The following CITED4 variants were observed in gnomAD, a reference collection of about 807,000 sequenced individuals.
CITED4 encodes the protein cbp/p300-interacting transactivator 4.
CITED4 carries 3 observed loss-of-function variants against 3.3 expected under a neutral mutation model. The observed-to-expected ratio is 0.92, with a 90% confidence interval of 0.42 to 2.38. CITED4 has a LOEUF of 2.38. Ranked by LOEUF, CITED4 falls within the 30% of genes most tolerant of loss-of-function variation. The pLI is 0.05. For missense variants in CITED4, 333 were observed against 274.2 expected (o/e 1.21, Z -1.51); for synonymous variants, 167 against 145.8 (o/e 1.15, Z -1.05).
At position 40,861,986 on chromosome 1, in the gene CITED4, C is replaced by A; in HGVS notation, c.142G>T (p.Gly48Trp). The change falls in exon 1 of 1, where the codon GGG becomes TGG. Residue 48 changes from glycine to tryptophan, a missense_variant. Gly to Trp is a radical substitution (Grantham distance 184, BLOSUM62 -2). Transcript: ENST00000372638. ...PGLDSGLRPR[G>W]APLGPPPPRQ... ...GGCGGCGGCGGCCCCAGCGGAGCCC[C>A]CCGCGGCCTCAGCCCACTGTCCAGG... The A allele has an allele frequency of 8.0e-7, 1 of 1,256,034 alleles. No individual in the cohort carries two copies. The allele number at this position is 1,256,034 out of a possible 1,614,324, so 77.8% of individuals were successfully genotyped here. A position where few individuals can be genotyped will look rare whatever the true frequency, so the allele number is the denominator to read the frequency against.
In CITED4 at chr1:40,861,525, G is replaced by C. The variant is rs920945560; in HGVS notation, c.*48C>G. On this transcript the variant is annotated 3_prime_UTR_variant, in exon 1 of 1. Coordinates refer to ENST00000372638, the MANE Select transcript of CITED4 (RefSeq NM_133467.3). ...CGCTGGGTGCAGGGTCCGGCGGGCA[G>C]TCGGGCCCTTTCTCCTCTCCGGCAC... 21 of 1,245,538 alleles carry C rather than the reference G, an allele frequency of 1.7e-5. No individual in the cohort carries two copies. The highest frequency in any genetic ancestry group is 3.4e-5 in the East Asian group (1 of 29,700). The allele number at this position is 1,245,538 out of a possible 1,614,324, so 77.2% of individuals were successfully genotyped here. A position where few individuals can be genotyped will look rare whatever the true frequency, so the allele number is the denominator to read the frequency against.
chr1:40,862,048 T>C lies in CITED4; in HGVS notation c.80A>G (p.His27Arg), dbSNP rs1354726348. Residue 27 changes from histidine to arginine, a missense_variant, in exon 1 of 1, where the codon CAT (histidine) becomes CGT (arginine). Coordinates refer to ENST00000372638, the MANE Select transcript of CITED4 (RefSeq NM_133467.3). ...GTACGGCGGCAGAGTCCGGAGCGCA[T>C]GAGGGCCATGGGCGGCCGCGGCGGA... ...PPSAAAAHGPHALRTLPPYAG... is the reference protein window; with the variant it reads ...PPSAAAAHGPRALRTLPPYAG... The C allele has an allele frequency of 7.6e-7, 1 of 1,323,064 alleles. No homozygotes were observed. The highest frequency in any genetic ancestry group is 9.7e-7 in the Non-Finnish European group (1 of 1,035,530). The allele number at this position is 1,323,064 out of a possible 1,614,324, so 82.0% of individuals were successfully genotyped here.
rs979215909 is a variant in CITED4, at chr1:40,862,324, T to G, written c.-197A>C. The G allele has an allele frequency of 1.2e-5, 4 of 338,884 alleles. No homozygotes were observed. Among genetic ancestry groups the G allele is most frequent in the African/African-American group, 8.6e-5 (4 of 46,352 alleles). The allele number at this position is 338,884 out of a possible 1,614,324, so 21.0% of individuals were successfully genotyped here. A position where few individuals can be genotyped will look rare whatever the true frequency, so the allele number is the denominator to read the frequency against. ...CGCACCTTGCGGCCGCAGCCTGGGG[T>G]CACAAAGGCCCGCAACCTGTAGTGC... On this transcript the variant is annotated 5_prime_UTR_variant, in exon 1 of 1. Coordinates refer to ENST00000372638, the MANE Select transcript of CITED4 (RefSeq NM_133467.3).
At position 40,861,809 on chromosome 1, in the gene CITED4, G is replaced by A; in HGVS notation, c.319C>T (p.Pro107Ser). 2.1e-5 allele frequency: 23 copies of A among 1,112,178 alleles called. No homozygotes were observed. The highest frequency in any genetic ancestry group is 2.4e-5 in the Non-Finnish European group (22 of 912,804). 68.9% of individuals were successfully genotyped at this position (1,112,178 alleles called of 1,614,324 possible). A position where few individuals can be genotyped will look rare whatever the true frequency, so the allele number is the denominator to read the frequency against. ...PGRAAAPPNA[P>S]GGPPGPQPAP... ...GGCTGCGGGCCCGGGGGGCCTCCCG[G>A]AGCGTTGGGGGGCGCGGCCGCGCGG... The change falls in exon 1 of 1, where the codon CCG becomes TCG. Residue 107 changes from proline (P) to serine (S), a missense_variant. Coordinates refer to ENST00000372638, the MANE Select transcript of CITED4 (RefSeq NM_133467.3).
Position 40,861,890 on chromosome 1 carries a change from G to A in CITED4, c.238C>T (p.Pro80Ser), listed in dbSNP as rs1649389722. The change falls in exon 1 of 1, where the codon CCT becomes TCT. Residue 80 changes from proline to serine, a missense_variant. By Grantham distance (74) the Pro-to-Ser change is moderately conservative (BLOSUM62 -1). Coordinates refer to ENST00000372638, the MANE Select transcript of CITED4 (RefSeq NM_133467.3). ...PSSFQPFPAVPPPAAGIAHLQ... is the reference protein window; with the variant it reads ...PSSFQPFPAVSPPAAGIAHLQ... The stretch of plus-strand genomic sequence containing the variant: ...TGCGCGATGCCCGCGGCCGGCGGAG[G>A]CACGGCCGGAAAGGGCTGGAAGGAG... 8.1e-7 allele frequency: 1 copy of A among 1,239,288 alleles called. No individual in the cohort carries two copies. Among genetic ancestry groups the A allele is most frequent in the Non-Finnish European group, 1.0e-6 (1 of 985,338 alleles). 76.8% of individuals were successfully genotyped at this position (1,239,288 alleles called of 1,614,324 possible).
chr1:40,861,382 A>T lies in CITED4; in HGVS notation c.*191T>A, dbSNP rs1180836460. 2.3e-5 allele frequency: 8 copies of T among 343,752 alleles called. No individual in the cohort carries two copies. Among genetic ancestry groups the T allele is most frequent in the Non-Finnish European group, 1.0e-5 (2 of 191,262 alleles). 21.3% of individuals were successfully genotyped at this position (343,752 alleles called of 1,614,324 possible). On this transcript the variant is annotated 3_prime_UTR_variant, in exon 1 of 1. Coordinates refer to ENST00000372638, the MANE Select transcript of CITED4 (RefSeq NM_133467.3). Reference sequence around the variant, plus strand: ...AGGCTGGGGTCAGAGAAGTGAAGCCAAACTGTCCTCCCGCAGGAGGCAAGG... The same window carrying T: ...AGGCTGGGGTCAGAGAAGTGAAGCCTAACTGTCCTCCCGCAGGAGGCAAGG...
chr1:40,861,853 A>C lies in CITED4; in HGVS notation c.275T>G (p.Val92Gly), dbSNP rs1450250996. ...PAAGIAHLQPVATPYPGRAAA... is the reference protein window; with the variant it reads ...PAAGIAHLQPGATPYPGRAAA... ...CGCGCGGCCGGGGTACGGCGTCGCC[A>C]CAGGCTGCAGGTGCGCGATGCCCGC... The change falls in exon 1 of 1, where the codon GTG becomes GGG. Residue 92 changes from valine to glycine, a missense_variant. Coordinates refer to ENST00000372638, the MANE Select transcript of CITED4 (RefSeq NM_133467.3). 2.6e-6 allele frequency: 3 copies of C among 1,156,214 alleles called. No individual in the cohort carries two copies. The highest frequency in any genetic ancestry group is 4.7e-5 in the Admixed American group (1 of 21,230). 71.6% of individuals were successfully genotyped at this position (1,156,214 alleles called of 1,614,324 possible). A position where few individuals can be genotyped will look rare whatever the true frequency, so the allele number is the denominator to read the frequency against.
Position 40,861,757 on chromosome 1 carries a change from G to C in CITED4, c.371C>G (p.Pro124Arg). Reference protein sequence around the residue: ...QPAPSAAAPPPPAHALGGMDA... With the variant: ...QPAPSAAAPPRPAHALGGMDA... ...CATGCCGCCCAGGGCGTGCGCGGGC[G>C]GCGGCGGGGCTGCGGCGCTTGGCGC... The change falls in exon 1 of 1, where the codon CCG (proline) becomes CGG (arginine). Residue 124 changes from proline to arginine, a missense_variant. Transcript: ENST00000372638. 5.6e-6 allele frequency: 7 copies of C among 1,243,990 alleles called. No individual in the cohort carries two copies. Among genetic ancestry groups the C allele is most frequent in the Non-Finnish European group, 6.1e-6 (6 of 988,986 alleles). The allele number at this position is 1,243,990 out of a possible 1,614,324, so 77.1% of individuals were successfully genotyped here. A position where few individuals can be genotyped will look rare whatever the true frequency, so the allele number is the denominator to read the frequency against.
chr1:40,861,654 G>A lies in CITED4; in HGVS notation c.474C>T (p.Pro158=), dbSNP rs777307773. Residue 158 remains proline (P), a synonymous_variant, in exon 1 of 1, where the codon CCC becomes CCT. Transcript: ENST00000372638. ...ACTCGCTCTGGCCCAGGAAGAGCTC[G>A]GGCAGCTCGCGCACGCGGTGCAGCC... The part of the protein sequence containing the change: ...ELGLHRVREL[P]ELFLGQSEFD... 4 of 1,503,560 alleles carry A rather than the reference G, an allele frequency of 2.7e-6. No individual in the cohort carries two copies. The highest frequency in any genetic ancestry group is 1.5e-5 in the African/African-American group (1 of 68,918). The allele number at this position is 1,503,560 out of a possible 1,614,324, so 93.1% of individuals were successfully genotyped here.
At position 40,861,885 on chromosome 1, in the gene CITED4, C is replaced by T. The variant is rs992024475; in HGVS notation, c.243G>A (p.Pro81=). 1.2e-5 allele frequency: 15 copies of T among 1,233,358 alleles called. No homozygotes were observed. Among genetic ancestry groups the T allele is most frequent in the African/African-American group, 1.6e-5 (1 of 62,636 alleles). The allele number at this position is 1,233,358 out of a possible 1,614,324, so 76.4% of individuals were successfully genotyped here. A position where few individuals can be genotyped will look rare whatever the true frequency, so the allele number is the denominator to read the frequency against. ...GCAGGTGCGCGATGCCCGCGGCCGG[C>T]GGAGGCACGGCCGGAAAGGGCTGGA... ...SSFQPFPAVP[P]PAAGIAHLQP... Residue 81 remains proline, a synonymous_variant, in exon 1 of 1, where the codon CCG becomes CCA. Coordinates refer to ENST00000372638, the MANE Select transcript of CITED4 (RefSeq NM_133467.3).
In CITED4 at chr1:40,862,140, G is replaced by T; in HGVS notation, c.-13C>A. On this transcript the variant is annotated 5_prime_UTR_variant, in exon 1 of 1. Coordinates refer to ENST00000372638, the MANE Select transcript of CITED4 (RefSeq NM_133467.3). ...GGTGGTCGGCCATGGCGGCAGGCCG[G>T]CTGCCTGCGGGGACAGCGCGCGGTG... 7.9e-7 allele frequency: 1 copy of T among 1,266,674 alleles called. No homozygotes were observed. Among genetic ancestry groups the T allele is most frequent in the South Asian group, 2.5e-5 (1 of 40,680 alleles). 78.5% of individuals were successfully genotyped at this position (1,266,674 alleles called of 1,614,324 possible). A position where few individuals can be genotyped will look rare whatever the true frequency, so the allele number is the denominator to read the frequency against.
rs924288272 is a variant in CITED4 at position 40,862,335 on chromosome 1, C to G, written c.-208G>C. The G allele has an allele frequency of 1.5e-5, 5 of 333,464 alleles. No homozygotes were observed. The highest frequency in any genetic ancestry group is 2.2e-5 in the Non-Finnish European group (4 of 183,856). The allele number at this position is 333,464 out of a possible 1,614,324, so 20.7% of individuals were successfully genotyped here. A position where few individuals can be genotyped will look rare whatever the true frequency, so the allele number is the denominator to read the frequency against. The stretch of plus-strand genomic sequence containing the variant: ...GCCGCAGCCTGGGGTCACAAAGGCC[C>G]GCAACCTGTAGTGCTCCGAAACCTC... On this transcript the variant is annotated 5_prime_UTR_variant, in exon 1 of 1. Transcript: ENST00000372638.
chr1:40,862,308 C>G lies in CITED4; in HGVS notation c.-181G>C, dbSNP rs1009137218. ...GCCCAGCCCACTACTGCGCACCTTGCGGCCGCAGCCTGGGGTCACAAAGGC... is the reference window on the plus strand; with the variant it reads ...GCCCAGCCCACTACTGCGCACCTTGGGGCCGCAGCCTGGGGTCACAAAGGC... On this transcript the variant is annotated 5_prime_UTR_variant, in exon 1 of 1. Transcript: ENST00000372638. 12 of 347,262 alleles carry G rather than the reference C, an allele frequency of 3.5e-5. No homozygotes were observed. In the South Asian group the frequency reaches 7.3e-4, roughly 21 times the overall value. 21.5% of individuals were successfully genotyped at this position (347,262 alleles called of 1,614,324 possible).
In CITED4 at chr1:40,862,049, G is replaced by A. The variant is rs1649397658; in HGVS notation, c.79C>T (p.His27Tyr). 1.5e-6 allele frequency: 2 copies of A among 1,324,084 alleles called. No homozygotes were observed. Among genetic ancestry groups the A allele is most frequent in the Admixed American group, 3.5e-5 (1 of 28,190 alleles). 82.0% of individuals were successfully genotyped at this position (1,324,084 alleles called of 1,614,324 possible). ...TACGGCGGCAGAGTCCGGAGCGCATGAGGGCCATGGGCGGCCGCGGCGGAC... is the reference window on the plus strand; with the variant it reads ...TACGGCGGCAGAGTCCGGAGCGCATAAGGGCCATGGGCGGCCGCGGCGGAC... ...PPSAAAAHGP[H>Y]ALRTLPPYAG... is the part of the protein sequence containing the mutation. Residue 27 changes from histidine (H) to tyrosine (Y), a missense_variant, in exon 1 of 1, where the codon CAT (histidine) becomes TAT (tyrosine). Physicochemically the swap from His to Tyr is moderately conservative, Grantham distance 83 (BLOSUM62 2). Coordinates refer to ENST00000372638, the MANE Select transcript of CITED4 (RefSeq NM_133467.3).
chr1:40,861,750 C>G lies in CITED4; in HGVS notation c.378G>C (p.Ala126=). The G allele has an allele frequency of 7.9e-7, 1 of 1,266,922 alleles. No homozygotes were observed. Among genetic ancestry groups the G allele is most frequent in the Non-Finnish European group, 1.0e-6 (1 of 1,000,600 alleles). The allele number at this position is 1,266,922 out of a possible 1,614,324, so 78.5% of individuals were successfully genotyped here. ...CGGCGTCCATGCCGCCCAGGGCGTG[C>G]GCGGGCGGCGGCGGGGCTGCGGCGC... is the stretch of plus-strand genomic sequence containing the variant. The part of the protein sequence containing the change: ...APSAAAPPPP[A]HALGGMDAEL... Residue 126 remains alanine, a synonymous_variant, in exon 1 of 1, where the codon GCG becomes GCC. Coordinates refer to ENST00000372638, the MANE Select transcript of CITED4 (RefSeq NM_133467.3).
chr1:40,861,590 C>A lies in CITED4; in HGVS notation c.538G>T (p.Gly180Cys). The A allele has an allele frequency of 6.9e-7, 1 of 1,454,148 alleles. No individual in the cohort carries two copies. The highest frequency in any genetic ancestry group is 2.0e-4 in the Middle Eastern group (1 of 5,122). 90.1% of individuals were successfully genotyped at this position (1,454,148 alleles called of 1,614,324 possible). A position where few individuals can be genotyped will look rare whatever the true frequency, so the allele number is the denominator to read the frequency against. Residue 180 changes from glycine (G) to cysteine (C), a missense_variant, in exon 1 of 1, where the codon GGC (glycine) becomes TGC (cysteine). Gly to Cys is a radical substitution (Grantham distance 159, BLOSUM62 -3). Coordinates refer to ENST00000372638, the MANE Select transcript of CITED4 (RefSeq NM_133467.3). ...FSDLGSAPPA[G>C]SVSC is the part of the protein sequence containing the mutation. ...GGCCGCCCTCAGCAGCTCACGGAGC[C>A]GGCGGGCGGCGCGGACCCCAAGTCC... is the stretch of plus-strand genomic sequence containing the variant.
At position 40,861,725 on chromosome 1, in the gene CITED4, C is replaced by A; in HGVS notation, c.403G>T (p.Glu135Ter). The A allele has an allele frequency of 7.0e-7, 1 of 1,425,428 alleles. No individual in the cohort carries two copies. The highest frequency in any genetic ancestry group is 1.4e-5 in the South Asian group (1 of 73,768). 88.3% of individuals were successfully genotyped at this position (1,425,428 alleles called of 1,614,324 possible). A position where few individuals can be genotyped will look rare whatever the true frequency, so the allele number is the denominator to read the frequency against. ...PAHALGGMDAELIDEEALTSL... is the reference protein window; with the variant it reads ...PAHALGGMDA The stretch of plus-strand genomic sequence containing the variant: ...GTCAGCGCCTCCTCGTCGATGAGTT[C>A]GGCGTCCATGCCGCCCAGGGCGTGC... The change falls in exon 1 of 1, where the codon GAA becomes TAA. Residue 135 changes from glutamate to a stop codon, truncating the protein, a stop_gained. Transcript: ENST00000372638. LOFTEE classifies it high-confidence loss of function.
rs1649383616 is a variant in CITED4, at chr1:40,861,762, C to T, written c.366G>A (p.Pro122=). ...CGCCCAGGGCGTGCGCGGGCGGCGG[C>T]GGGGCTGCGGCGCTTGGCGCCGGCT... is the stretch of plus-strand genomic sequence containing the variant. ...GPQPAPSAAA[P]PPPAHALGGM... Residue 122 remains proline (P), a synonymous_variant, in exon 1 of 1, where the codon CCG becomes CCA. Coordinates refer to ENST00000372638, the MANE Select transcript of CITED4 (RefSeq NM_133467.3). 1.7e-6 allele frequency: 2 copies of T among 1,203,354 alleles called. No individual in the cohort carries two copies. Among genetic ancestry groups the T allele is most frequent in the South Asian group, 3.4e-5 (1 of 29,838 alleles). 74.5% of individuals were successfully genotyped at this position (1,203,354 alleles called of 1,614,324 possible).
In CITED4 at chr1:40,861,607, C is replaced by G. The variant is rs1337168211; in HGVS notation, c.521G>C (p.Gly174Ala). Residue 174 changes from glycine to alanine, a missense_variant, in exon 1 of 1, where the codon GGG (glycine) becomes GCG (alanine). By Grantham distance (60) the Gly-to-Ala change is moderately conservative. Transcript: ENST00000372638. ...CACGGAGCCGGCGGGCGGCGCGGAC[C>G]CCAAGTCCGAGAAGCAGTCGAACTC... ...QSEFDCFSDL[G>A]SAPPAGSVSC 1 of 1,474,160 alleles carries G rather than the reference C, an allele frequency of 6.8e-7. No individual in the cohort carries two copies. Among genetic ancestry groups the G allele is most frequent in the Admixed American group, 2.2e-5 (1 of 44,808 alleles). The allele number at this position is 1,474,160 out of a possible 1,614,324, so 91.3% of individuals were successfully genotyped here.
Sources: allele counts gnomAD v4.1 joint callset, GRCh38; gene constraint gnomAD v4.1.1; transcripts MANE v1.5; gene names NCBI Gene and HGNC (gene_info 2026-07-23, HGNC 2026-07-21).